ATAD2B: variants seen among roughly 807,000 people sequenced by gnomAD.
ATAD2B encodes the protein ATPase family AAA domain containing 2B.
Under a neutral mutation model 167.6 loss-of-function variants are expected in ATAD2B, and 40 were observed. The ratio of observed to expected loss-of-function variants is 0.24; its 90% CI spans 0.19 to 0.31. ATAD2B has a LOEUF of 0.31. Among genes scored for constraint, ATAD2B ranks in the 10% least tolerant of loss-of-function variants. The pLI is 1.00. For synonymous variants in ATAD2B, 579 were observed against 596.5 expected, an observed-to-expected ratio of 0.97 and a Z score of 0.43; for missense variants, 1,242 against 1,757.2, an observed-to-expected ratio of 0.71 and a Z score of 5.24.
At chr2:23,799,256 C>A (rs1245285660) in intron 18 of ATAD2B, among the ~76,000 whole-genome samples, 2 of 152,022 alleles carry the variant, frequency 1.3e-5, no homozygotes, top group Non-Finnish European at 1.5e-5. Flanking sequence ...TTTCAATTAG[C>A]CTATGTAATA....
intron 8 of ATAD2B, among the ~76,000 whole-genome samples, chr2:23,873,165 A>T (rs1696270527): frequency 6.6e-6 from 1 of 152,222 alleles, no homozygotes; most frequent in South Asian, 2.1e-4. Context: ...TCCCAAGTTT[A>T]TGTGTGTATT....
At chr2:23,760,697 T>TAC (rs367725351) in intron 24 of ATAD2B, among the ~76,000 whole-genome samples, 39,194 of 117,080 alleles carry the variant, frequency 0.33, 6,059 homozygotes, top group East Asian at 0.43. Flanking sequence ...AATTTATATA[T>TAC]ATACACACAC....
intron 1 of ATAD2B, among the ~76,000 whole-genome samples, chr2:23,905,635 G>A (rs139438136): frequency 6.6e-6 from 1 of 152,178 alleles, no homozygotes; most frequent in Admixed American, 6.5e-5. Flanking sequence ...TACCTCATGA[G>A]ATTGTTAGAA....
chr2:23,907,794 T>C (rs571266890), intron 1 of ATAD2B, among the ~76,000 whole-genome samples: 4 of 152,116 alleles, frequency 2.6e-5, no homozygotes, highest in South Asian at 2.1e-4. Context: ...AACAGAGATA[T>C]AGAACAATGG....
chr2:23,758,947 TG>T (rs1676291281), intron 24 of ATAD2B, among the ~76,000 whole-genome samples: 2 of 152,186 alleles, frequency 1.3e-5, no homozygotes, highest in Admixed American at 6.6e-5. Context: ...TAGGTATTAA[TG>T]GACCCTGGAA....
At chr2:23,727,615 A>C in the ATAD2B span, among the ~76,000 whole-genome samples, 3 of 152,208 alleles carry the variant, frequency 2.0e-5, no homozygotes, top group Non-Finnish European at 4.4e-5. Context: ...CTGCACATGA[A>C]TATGTGTAGC....
intron 2 of ATAD2B, among the ~76,000 whole-genome samples, chr2:23,895,411 T>C (rs1177081765): frequency 6.6e-6 from 1 of 152,018 alleles, no homozygotes; most frequent in African/African-American, 2.4e-5. Context: ...GGATAATAGA[T>C]GAAAAGATGT....
chr2:23,875,066 A>T (rs550209263), intron 8 of ATAD2B, among the ~76,000 whole-genome samples: 50 of 151,826 alleles, frequency 3.3e-4, no homozygotes, highest in African/African-American at 1.2e-3. Flanking sequence ...AAAAAAAAAA[A>T]AAAAGGATAA....
At chr2:23,721,850 G>C in the ATAD2B span, among the ~76,000 whole-genome samples, 1,232 of 152,350 alleles carry the variant, frequency 8.1e-3, 17 homozygotes, top group African/African-American at 0.028. Context: ...CCGACCCCAA[G>C]CTGGCTGTCC....
At chr2:23,710,253 T>TA in the ATAD2B span, among the ~76,000 whole-genome samples, 22,718 of 152,130 alleles carry the variant, frequency 0.15, 2,142 homozygotes, top group Non-Finnish European at 0.2. Flanking sequence ...TTCCAACAGT[T>TA]AAAGAGAATA....
the ATAD2B span, among the ~76,000 whole-genome samples, chr2:23,718,914 C>T: frequency 6.6e-6 from 1 of 152,226 alleles, no homozygotes; most frequent in African/African-American, 2.4e-5. Context: ...CTGTCTCTCT[C>T]CCATGAGGAT....
chr2:23,877,616 A>C lies in ATAD2B; in HGVS notation c.902-1712T>G, dbSNP rs1456901930. On this transcript the variant is annotated intron_variant, in intron 7 of 27. Coordinates refer to ENST00000238789, the MANE Select transcript of ATAD2B (RefSeq NM_017552.4). Reference sequence around the variant, plus strand: ...CCGGGCACTGTGGCTCACAACTTGTAATCCCAGCACTTTGGGAGGCTAAGG... The same window carrying C: ...CCGGGCACTGTGGCTCACAACTTGTCATCCCAGCACTTTGGGAGGCTAAGG... Among the ~76,000 whole-genome samples, 3 of 149,894 alleles carry C rather than the reference A, an allele frequency of 2.0e-5. No individual in the cohort carries two copies. In the East Asian group the frequency reaches 6.0e-4, roughly 30 times the overall value.
At chr2:23,777,155 A>C (rs1679270883) in intron 22 of ATAD2B, among the ~76,000 whole-genome samples, 1 of 152,188 alleles carries the variant, frequency 6.6e-6, no homozygotes, top group African/African-American at 2.4e-5. Context: ...TCTGCAAGCC[A>C]AGAAAAGAGG....
the ATAD2B span, among the ~76,000 whole-genome samples, chr2:23,685,894 C>T: frequency 1.3e-5 from 2 of 152,192 alleles, no homozygotes; most frequent in Non-Finnish European, 2.9e-5. Context: ...GGGCCTGGCT[C>T]CAAACCAGCT....
downstream of ATAD2B, among the ~76,000 whole-genome samples, chr2:23,745,023 C>T (rs1238527259): frequency 2.0e-5 from 3 of 152,110 alleles, no homozygotes; most frequent in African/African-American, 7.2e-5. Context: ...CGGTTGCTCA[C>T]GCTTGTAATC....
At chr2:23,730,777 T>C in the ATAD2B span, among the ~76,000 whole-genome samples, 339 of 151,010 alleles carry the variant, frequency 2.2e-3, 2 homozygotes, top group African/African-American at 7.7e-3. Context: ...AATGTTTATA[T>C]TAGAAAAGAA....
At chr2:23,923,367 T>G (rs1573478781) in intron 1 of ATAD2B, among the ~76,000 whole-genome samples, 1 of 152,260 alleles carries the variant, frequency 6.6e-6, no homozygotes, top group Non-Finnish European at 1.5e-5. Context: ...GGGGGGACAA[T>G]CAAGTTTCAC....
the ATAD2B span, among the ~76,000 whole-genome samples, chr2:23,681,450 G>A: frequency 6.6e-6 from 1 of 152,170 alleles, no homozygotes; most frequent in Non-Finnish European, 1.5e-5. The surrounding 1 kb of genome is among the most constrained non-coding windows in gnomAD (Gnocchi z 4.2). Flanking sequence ...ATCATTGCCG[G>A]GACCTCGATT....
At chr2:23,728,189 T>A in the ATAD2B span, among the ~76,000 whole-genome samples, 1 of 152,136 alleles carries the variant, frequency 6.6e-6, no homozygotes, top group African/African-American at 2.4e-5. Flanking sequence ...AATTTCAGTA[T>A]GTTATGTTCA....
Sources: gnomAD v4.1 joint callset for allele counts (sites outside exome capture counted in the v4.1 genomes callset) on GRCh38, gnomAD v4.1.1 for gene constraint, Gnocchi (gnomAD v3.1) non-coding constraint, MANE v1.5 for transcripts, NCBI Gene and HGNC (gene_info 2026-07-23, HGNC 2026-07-21) for gene names.